The following DCAF11 variants were observed in gnomAD, a reference collection of about 807,000 sequenced individuals.
DCAF11 encodes the protein DDB1- and CUL4-associated factor 11.
DCAF11 carries 44 observed loss-of-function variants against 76.1 expected under a neutral mutation model. The ratio of observed to expected loss-of-function variants is 0.58; its 90% CI spans 0.45 to 0.74. The LOEUF (loss-of-function observed/expected upper bound fraction) is 0.74. DCAF11 is among the 30% of genes least tolerant of loss of function. The pLI, the probability that DCAF11 is intolerant of heterozygous loss-of-function variation, is 0.00. For synonymous variants in DCAF11, 258 were observed against 255.0 expected (o/e 1.01, Z -0.11); for missense variants, 604 against 709.4 (o/e 0.85, Z 1.69).
At position 24,117,794 on chromosome 14, in the gene DCAF11, G is replaced by T; in HGVS notation, c.476+62G>T. The T allele has an allele frequency of 6.5e-7, 1 of 1,545,242 alleles. No homozygotes were observed. Among genetic ancestry groups the T allele is most frequent in the East Asian group, 2.3e-5 (1 of 44,234 alleles). ...AGATAGGTCTTATCTCCTAAACTTT[G>T]AAGGGGTAGGTGTTAAAGGAGCCTC... On this transcript the variant is annotated intron_variant, in intron 5 of 14. Transcript: ENST00000446197. The surrounding 1 kb of genome is among the most constrained non-coding windows in gnomAD (Gnocchi z 4.3).
Position 24,114,963 on chromosome 14 carries a change from G to T in DCAF11, c.-544G>T. 1.0e-6 allele frequency: 1 copy of T among 986,052 alleles called. No individual in the cohort carries two copies. The highest frequency in any genetic ancestry group is 1.7e-5 in the African/African-American group (1 of 57,388). The allele number at this position is 986,052 out of a possible 1,614,324, so 61.1% of individuals were successfully genotyped here. ...CGTGGGGCGGTTACCGCCGGCTTCA[G>T]TGGGAGGTGCTTCTCGGCTTCCTCC... On this transcript the variant is annotated 5_prime_UTR_variant, in exon 1 of 15. Transcript: ENST00000446197.
Position 24,117,052 on chromosome 14 carries a change from G to C in DCAF11, c.283+8G>C. 6.2e-7 allele frequency: 1 copy of C among 1,614,178 alleles called. No homozygotes were observed. Among genetic ancestry groups the C allele is most frequent in the Non-Finnish European group, 8.5e-7 (1 of 1,180,042 alleles). ...ATCGATACAACCCACCTGGTAAGAG[G>C]AAAAGCCCCTAATGTTGGAAGACTT... On this transcript the variant is annotated splice_region_variant and intron_variant, in intron 3 of 14. Transcript: ENST00000446197. This position sits in a 1 kb window ranked among gnomAD's most constrained non-coding sequence, Gnocchi z 4.3.
At chr14:24,119,965 G>C (rs147546500) in intron 11 of DCAF11, 69 bp downstream of exon 11, 1 of 1,473,892 alleles carries the variant, frequency 6.8e-7, no homozygotes, top group Non-Finnish European at 9.0e-7. Context: ...GCATGAAAGC[G>C]GACTGGTGTG....
Position 24,117,593 on chromosome 14 carries a change from TGGA to T in DCAF11, c.412-69_412-67del, listed in dbSNP as rs1467753979. 80 of 1,561,388 alleles carry T rather than the reference TGGA, an allele frequency of 5.1e-5. No homozygotes were observed. In the South Asian group the frequency reaches 5.3e-4, roughly 10 times the overall value. ...ATTTCTATAACAAGAGCAATATCTT[TGGA>T]GGAGGGGGCTTGATATGGCTGAAGT... On this transcript the variant is annotated intron_variant, in intron 4 of 14. Transcript: ENST00000446197. The surrounding 1 kb of genome is among the most constrained non-coding windows in gnomAD (Gnocchi z 4.3).
intron 11 of DCAF11, 61 bp downstream of exon 11, chr14:24,119,957 A>G: frequency 6.0e-6 from 9 of 1,499,104 alleles, no homozygotes; most frequent in Non-Finnish European, 8.0e-6. Context: ...CCAGGAGGGC[A>G]TGAAAGCGGA....
chr14:24,115,822 T>C, intron 2 of DCAF11, 73 bp downstream of exon 2: 4 of 1,546,456 alleles, frequency 2.6e-6, no homozygotes, highest in Non-Finnish European at 3.5e-6. Context: ...GGCAGGAAAA[T>C]TACAGAGGTT....
chr14:24,123,009 A>G lies in DCAF11; in HGVS notation c.1438A>G (p.Thr480Ala), dbSNP rs1414584071. The G allele has an allele frequency of 6.2e-7, 1 of 1,614,044 alleles. No homozygotes were observed. Among genetic ancestry groups the G allele is most frequent in the African/African-American group, 1.3e-5 (1 of 74,920 alleles). The change falls in exon 14 of 15, where the codon ACC becomes GCC. Residue 480 changes from threonine (T) to alanine (A), a missense_variant. Thr to Ala is a moderately conservative substitution (Grantham distance 58). Coordinates refer to ENST00000446197, the MANE Select transcript of DCAF11 (RefSeq NM_025230.5). ...LLSGHIVKKL[T>A]NHKACVRDVS... is the part of the protein sequence containing the mutation. ...AAGTGGCCACATTGTGAAGAAGCTG[A>G]CCAACCACAAGGCCTGTGTGCGTGA... is the stretch of plus-strand genomic sequence containing the variant.
At position 24,119,828 on chromosome 14, in the gene DCAF11, G is replaced by A. The variant is rs1476726788; in HGVS notation, c.1024G>A (p.Glu342Lys). ...CKVWDRRTMR[E>K]DDPKPVGALA... is the part of the protein sequence containing the mutation. ...AGTGTGGGATCGACGCACCATGCGG[G>A]AGGATGACCCCAAGCCTGTGGGTGC... Residue 342 changes from glutamate (E) to lysine (K), a missense_variant, in exon 11 of 15, where the codon GAG (glutamate) becomes AAG (lysine). By Grantham distance (56) the Glu-to-Lys change is moderately conservative (BLOSUM62 1). Transcript: ENST00000446197. 5 of 1,614,204 alleles carry A rather than the reference G, an allele frequency of 3.1e-6. No individual in the cohort carries two copies. Among genetic ancestry groups the A allele is most frequent in the Non-Finnish European group, 4.2e-6 (5 of 1,180,026 alleles).
rs1211469593 is a variant in DCAF11, at chr14:24,118,472, T to A, written c.662T>A (p.Val221Asp). The change falls in exon 7 of 15, where the codon GTC (valine) becomes GAC (aspartate). Residue 221 changes from valine (V) to aspartate (D), a missense_variant. By Grantham distance (152) the Val-to-Asp change is radical (BLOSUM62 -3). Coordinates refer to ENST00000446197, the MANE Select transcript of DCAF11 (RefSeq NM_025230.5). ...SIKARDVGWSVLDVAFTPDGN... is the reference protein window; with the variant it reads ...SIKARDVGWSDLDVAFTPDGN... ...AAGGCCCGCGACGTAGGCTGGAGCG[T>A]CTTGGATGTGGCCTTCACCCCTGAT... is the stretch of plus-strand genomic sequence containing the variant. The A allele has an allele frequency of 6.2e-7, 1 of 1,614,020 alleles. No individual in the cohort carries two copies. Among genetic ancestry groups the A allele is most frequent in the Non-Finnish European group, 8.5e-7 (1 of 1,180,038 alleles).
chr14:24,120,815 A>G (rs771593433), intron 11 of DCAF11, 23 bp from the exon 12 acceptor site: 3 of 1,611,710 alleles, frequency 1.9e-6, no homozygotes, highest in Non-Finnish European at 2.5e-6. Context: ...CTGATGCTTC[A>G]CTATCCACCT....
At chr14:24,118,726 T>G (rs772142320) in intron 7 of DCAF11, 24 bp from the exon 8 acceptor site, 1 of 1,613,358 alleles carries the variant, frequency 6.2e-7, no homozygotes, top group African/African-American at 1.3e-5. Flanking sequence ...CCTGAAAGAT[T>G]CTTGTTTTTC....
rs2037509968 is a variant in DCAF11, at chr14:24,114,998, C to T, written c.-509C>T. 5 of 985,862 alleles carry T rather than the reference C, an allele frequency of 5.1e-6. No homozygotes were observed. Among genetic ancestry groups the T allele is most frequent in the Middle Eastern group, 5.2e-4 (1 of 1,936 alleles). The allele number at this position is 985,862 out of a possible 1,614,324, so 61.1% of individuals were successfully genotyped here. Reference sequence around the variant, plus strand: ...CTTCTCGGCTTCCTCCCCCTCATGGCGTACACACCCCCGGCGCACCACGTG... The same window carrying T: ...CTTCTCGGCTTCCTCCCCCTCATGGTGTACACACCCCCGGCGCACCACGTG... On this transcript the variant is annotated 5_prime_UTR_variant, in exon 1 of 15. Transcript: ENST00000446197.
In DCAF11 at chr14:24,118,417, T is replaced by C. The variant is rs755053674; in HGVS notation, c.607T>C (p.Tyr203His). The C allele has an allele frequency of 1.2e-6, 2 of 1,614,114 alleles. No homozygotes were observed. The highest frequency in any genetic ancestry group is 1.7e-5 in the Admixed American group (1 of 60,006). ...DQTIRLYDCR[Y>H]GRFRKFKSIK... Reference sequence around the variant, plus strand: ...GACAATCCGACTCTATGACTGCCGATATGGCCGTTTCCGTAAATTCAAGAG... The same window carrying C: ...GACAATCCGACTCTATGACTGCCGACATGGCCGTTTCCGTAAATTCAAGAG... Residue 203 changes from tyrosine to histidine, a missense_variant, in exon 7 of 15, where the codon TAT becomes CAT. By Grantham distance (83) the Tyr-to-His change is moderately conservative. Coordinates refer to ENST00000446197, the MANE Select transcript of DCAF11 (RefSeq NM_025230.5).
chr14:24,115,718 C>G lies in DCAF11; in HGVS notation c.124C>G (p.Leu42Val), dbSNP rs1292003207. 6.2e-7 allele frequency: 1 copy of G among 1,613,850 alleles called. No homozygotes were observed. The highest frequency in any genetic ancestry group is 1.7e-5 in the Admixed American group (1 of 59,996). The change falls in exon 2 of 15, where the codon CTG (leucine) becomes GTG (valine). Residue 42 changes from leucine to valine, a missense_variant. Transcript: ENST00000446197. Reference protein sequence around the residue: ...EEEEEDEDVDLAQVLAYLLRR... With the variant: ...EEEEEDEDVDVAQVLAYLLRR... ...GGAAGAAGAGGATGAAGATGTGGAT[C>G]TGGCCCAGGTACTGGCCTATCTCCT...
chr14:24,117,096 G>C lies in DCAF11; in HGVS notation c.283+52G>C. 3 of 1,613,210 alleles carry C rather than the reference G, an allele frequency of 1.9e-6. No homozygotes were observed. The highest frequency in any genetic ancestry group is 2.5e-6 in the Non-Finnish European group (3 of 1,179,458). On this transcript the variant is annotated intron_variant, in intron 3 of 14. Coordinates refer to ENST00000446197, the MANE Select transcript of DCAF11 (RefSeq NM_025230.5). The surrounding 1 kb of genome is among the most constrained non-coding windows in gnomAD (Gnocchi z 4.3). ...AAGACTTTTACTAGAAAACCTTTTAGTGATATTTTGAATGATAGGTTACAT... is the reference window on the plus strand; with the variant it reads ...AAGACTTTTACTAGAAAACCTTTTACTGATATTTTGAATGATAGGTTACAT...
chr14:24,121,453 C>T lies in DCAF11; in HGVS notation c.1335C>T (p.Phe445=), dbSNP rs141830945. 1.2e-5 allele frequency: 19 copies of T among 1,614,094 alleles called. No individual in the cohort carries two copies. In the African/African-American group the frequency reaches 2.3e-4, roughly 19 times the overall value. ...TGCACACCCTCATCCGCTGCCGGTT[C>T]TCCCCCATTCATAGCACTGGCCAGC... The part of the protein sequence containing the change: ...GVLHTLIRCR[F]SPIHSTGQQF... Residue 445 remains phenylalanine, a synonymous_variant, in exon 13 of 15, where the codon TTC becomes TTT. Coordinates refer to ENST00000446197, the MANE Select transcript of DCAF11 (RefSeq NM_025230.5).
chr14:24,121,309 G>A (rs191672164), intron 12 of DCAF11, 56 bp from the exon 13 acceptor site: 6 of 1,607,890 alleles, frequency 3.7e-6, no homozygotes, highest in Middle Eastern at 1.7e-4. Context: ...CTGGTGGTAC[G>A]AAACAATCCC....
rs2037510516 is a variant in DCAF11 at position 24,115,009 on chromosome 14, C to T, written c.-498C>T. On this transcript the variant is annotated 5_prime_UTR_variant, in exon 1 of 15. Transcript: ENST00000446197. Reference sequence around the variant, plus strand: ...CCTCCCCCTCATGGCGTACACACCCCCGGCGCACCACGTGGGCGTGAGGCG... The same window carrying T: ...CCTCCCCCTCATGGCGTACACACCCTCGGCGCACCACGTGGGCGTGAGGCG... 1.0e-6 allele frequency: 1 copy of T among 986,010 alleles called. No homozygotes were observed. Among genetic ancestry groups the T allele is most frequent in the Non-Finnish European group, 1.2e-6 (1 of 829,982 alleles). The allele number at this position is 986,010 out of a possible 1,614,324, so 61.1% of individuals were successfully genotyped here. A position where few individuals can be genotyped will look rare whatever the true frequency, so the allele number is the denominator to read the frequency against.
At position 24,115,602 on chromosome 14, in the gene DCAF11, C is replaced by G; in HGVS notation, c.8C>G (p.Ser3Trp). Residue 3 changes from serine to tryptophan, a missense_variant, in exon 2 of 15, where the codon TCG becomes TGG. By Grantham distance (177) the Ser-to-Trp change is radical (BLOSUM62 -3). Transcript: ENST00000446197. Reference protein sequence around the residue: MGSRNSSSAGSGS... With the variant: MGWRNSSSAGSGS... ...GAATGCTGTGACCAGAAGATGGGATCGCGGAACAGCAGCAGTGCAGGATCC... is the reference window on the plus strand; with the variant it reads ...GAATGCTGTGACCAGAAGATGGGATGGCGGAACAGCAGCAGTGCAGGATCC... The G allele has an allele frequency of 6.2e-7, 1 of 1,612,164 alleles. No homozygotes were observed.
Sources: allele counts gnomAD v4.1 joint callset, GRCh38; gene constraint gnomAD v4.1.1; non-coding constraint Gnocchi (gnomAD v3.1); transcripts MANE v1.5; gene names NCBI Gene and HGNC (gene_info 2026-07-23, HGNC 2026-07-21).